KCNJ5: variants seen among roughly 807,000 people sequenced by gnomAD.
KCNJ5 encodes the protein potassium inwardly rectifying channel subfamily J member 5, also known as G protein-activated inward rectifier potassium channel 4.
A neutral mutation model predicts 20.2 loss-of-function variants in KCNJ5; 12 were observed. That is an observed-to-expected ratio of 0.59 (90% CI 0.38 to 0.96). The LOEUF is 0.96. KCNJ5 is among the 40% of genes least tolerant of loss of function. The pLI is 0.00. For synonymous variants in KCNJ5, 210 were observed against 213.9 expected, an observed-to-expected ratio of 0.98 and a Z score of 0.16; for missense variants, 449 against 557.6, an observed-to-expected ratio of 0.81 and a Z score of 1.96.
At chr11:128,908,562 G>A (rs947399104) in intron 1 of KCNJ5, among the ~76,000 whole-genome samples, 1 of 152,238 alleles carries the variant, frequency 6.6e-6, no homozygotes, top group Admixed American at 6.5e-5. Flanking sequence ...TATCTGGGCT[G>A]AAGTCTCCTA....
chr11:128,905,485 A>G (rs1345710156), intron 1 of KCNJ5: 2 of 151,892 alleles, frequency 1.3e-5, no homozygotes, highest in African/African-American at 4.8e-5. Context: ...CCCCCGTCCC[A>G]GCCTCCCTCC....
At chr11:128,896,758 T>C (rs993387408) in intron 1 of KCNJ5, among the ~76,000 whole-genome samples, 1 of 152,226 alleles carries the variant, frequency 6.6e-6, no homozygotes, top group African/African-American at 2.4e-5. Context: ...TTGGGACTAT[T>C]ATGAATAAAG....
rs1160699929 is a variant in KCNJ5, at chr11:128,891,441, C to CACAGAGAGAGAG, written c.-290_-289insCAGAGAGAGAGA. 1.6e-4 allele frequency: 9 copies of CACAGAGAGAGAG among 54,932 alleles called. No individual in the cohort carries two copies. Among genetic ancestry groups the CACAGAGAGAGAG allele is most frequent in the African/African-American group, 2.4e-4 (3 of 12,478 alleles). 3.4% of individuals were successfully genotyped at this position (54,932 alleles called of 1,614,324 possible). A position where few individuals can be genotyped will look rare whatever the true frequency, so the allele number is the denominator to read the frequency against. On this transcript the variant is annotated 5_prime_UTR_variant, in exon 1 of 3. Coordinates refer to ENST00000529694, the MANE Select transcript of KCNJ5 (RefSeq NM_000890.5). ...ACACACACACACACACACACACACA[C>CACAGAGAGAGAG]AGAGAGAGAGAGAGAGAGAGAGAGA...
intron 1 of KCNJ5, among the ~76,000 whole-genome samples, chr11:128,895,723 TG>T (rs1322062922): frequency 6.6e-6 from 1 of 152,234 alleles, no homozygotes; most frequent in Non-Finnish European, 1.5e-5. Context: ...GACCACTGCC[TG>T]GGGGCGGGCA....
chr11:128,912,266 G>A (rs1944515788), intron 2 of KCNJ5, 56 bp downstream of exon 2: 2 of 1,370,952 alleles, frequency 1.5e-6, no homozygotes, highest in Non-Finnish European at 2.1e-6. Flanking sequence ...TTCAGACTTA[G>A]GCAACTGTGA....
rs538504426 is a variant in KCNJ5 at position 128,912,320 on chromosome 11, C to G, written c.937+110C>G. ...TGTGCCTGAGAGTCCTGGGGTGGCG[C>G]AGGCAACACATTCAATCCCTAAATT... On this transcript the variant is annotated intron_variant, in intron 2 of 2. Coordinates refer to ENST00000529694, the MANE Select transcript of KCNJ5 (RefSeq NM_000890.5). 1.8e-5 allele frequency: 15 copies of G among 832,516 alleles called. No individual in the cohort carries two copies. In the East Asian group the frequency reaches 2.2e-4, roughly 12 times the overall value. The allele number at this position is 832,516 out of a possible 1,614,324, so 51.6% of individuals were successfully genotyped here.
Position 128,911,572 on chromosome 11 carries a change from C to A in KCNJ5, c.299C>A (p.Thr100Asn), listed in dbSNP as rs145386081. The A allele has an allele frequency of 1.2e-6, 2 of 1,614,116 alleles. No homozygotes were observed. Among genetic ancestry groups the A allele is most frequent in the African/African-American group, 2.7e-5 (2 of 74,940 alleles). Reference protein sequence around the residue: ...LLVFTMVYTVTWLFFGFIWWL... With the variant: ...LLVFTMVYTVNWLFFGFIWWL... Reference sequence around the variant, plus strand: ...GTCTTCACCATGGTTTACACTGTCACCTGGCTGTTCTTCGGCTTCATTTGG... The same window carrying A: ...GTCTTCACCATGGTTTACACTGTCAACTGGCTGTTCTTCGGCTTCATTTGG... The change falls in exon 2 of 3, where the codon ACC becomes AAC. Residue 100 changes from threonine to asparagine, a missense_variant. Thr to Asn is a moderately conservative substitution (Grantham distance 65). Transcript: ENST00000529694. The surrounding 1 kb of genome is among the most constrained non-coding windows in gnomAD (Gnocchi z 6.3).
chr11:128,902,530 C>T, intron 1 of KCNJ5: 2 of 1,575,428 alleles, frequency 1.3e-6, no homozygotes, highest in Non-Finnish European at 1.7e-6. Flanking sequence ...GGCTGGGGAG[C>T]ACAGGGCTAT....
chr11:128,912,788 C>T (rs949722845), intron 2 of KCNJ5, among the ~76,000 whole-genome samples: 1 of 152,216 alleles, frequency 6.6e-6, no homozygotes, highest in Non-Finnish European at 1.5e-5. Context: ...GGATTACACG[C>T]GTGAGCCACA....
intron 1 of KCNJ5, among the ~76,000 whole-genome samples, chr11:128,907,639 A>G (rs1006264406): frequency 6.6e-6 from 1 of 152,240 alleles, no homozygotes; most frequent in South Asian, 2.1e-4. Flanking sequence ...GAAGAAGAGA[A>G]GTATCAGGCT....
chr11:128,902,218 A>G (rs1345762991), intron 1 of KCNJ5: 2 of 366,806 alleles, frequency 5.5e-6, no homozygotes, highest in Non-Finnish European at 1.0e-5. Context: ...CCCTTCCACG[A>G]TGCCCTCACC....
Position 128,921,154 on chromosome 11 carries a change from T to G in KCNJ5, c.*4423T>G, listed in dbSNP as rs993409025. ...AAAAATTCACACAATAAAATGGACT[T>G]TAACTTGCAGAGCTCTTTCTCATTT... On this transcript the variant is annotated 3_prime_UTR_variant, in exon 3 of 3. Transcript: ENST00000529694. 6.6e-6 allele frequency: 1 copy of G among 152,238 alleles called. No homozygotes were observed. The highest frequency in any genetic ancestry group is 2.4e-5 in the African/African-American group (1 of 41,450). 9.4% of individuals were successfully genotyped at this position (152,238 alleles called of 1,614,324 possible). A position where few individuals can be genotyped will look rare whatever the true frequency, so the allele number is the denominator to read the frequency against.
intron 2 of KCNJ5, 51 bp downstream of exon 2, chr11:128,912,261 A>T (rs770698386): frequency 4.3e-6 from 6 of 1,402,894 alleles, no homozygotes; most frequent in Non-Finnish European, 6.0e-6. Context: ...TACACTTCAG[A>T]CTTAGGCAAC....
chr11:128,911,040 A>G lies in KCNJ5; in HGVS notation c.-10-224A>G. The G allele has an allele frequency of 3.5e-6, 2 of 571,054 alleles. No individual in the cohort carries two copies. The highest frequency in any genetic ancestry group is 6.2e-5 in the Admixed American group (2 of 32,298). The allele number at this position is 571,054 out of a possible 1,614,324, so 35.4% of individuals were successfully genotyped here. A position where few individuals can be genotyped will look rare whatever the true frequency, so the allele number is the denominator to read the frequency against. On this transcript the variant is annotated intron_variant, in intron 1 of 2. Coordinates refer to ENST00000529694, the MANE Select transcript of KCNJ5 (RefSeq NM_000890.5). The surrounding 1 kb of genome is among the most constrained non-coding windows in gnomAD (Gnocchi z 6.3). ...TATTGTTCATTTATTCATTCAACAA[A>G]CAGCTAGCAAGCATCTATTTTGTGC... is the stretch of plus-strand genomic sequence containing the variant.
intron 1 of KCNJ5, among the ~76,000 whole-genome samples, chr11:128,907,948 C>T (rs1317787445): frequency 6.6e-6 from 1 of 152,134 alleles, no homozygotes; most frequent in Non-Finnish European, 1.5e-5. Context: ...GAACGGATCT[C>T]GAAAACCTGA....
chr11:128,910,037 T>C (rs1338468711), intron 1 of KCNJ5: 1 of 152,180 alleles, frequency 6.6e-6, no homozygotes. Flanking sequence ...TCTTCTCTTC[T>C]GAAAAATGGG....
intron 1 of KCNJ5, among the ~76,000 whole-genome samples, chr11:128,897,659 G>A (rs937872069): frequency 3.3e-5 from 5 of 152,106 alleles, no homozygotes; most frequent in Non-Finnish European, 7.3e-5. Context: ...TAATTTGATG[G>A]AAGTTTAATT....
At position 128,911,954 on chromosome 11, in the gene KCNJ5, C is replaced by T. The variant is rs138628646; in HGVS notation, c.681C>T (p.Ser227=). The T allele has an allele frequency of 6.3e-6, 10 of 1,599,858 alleles. No individual in the cohort carries two copies. The African/African-American group carries it at 1.2e-4, about 19-fold the overall frequency. Reference sequence around the variant, plus strand: ...TCCGGGTGGGCGACCTCCGCAACTCCCACATCGTGGAGGCCTCCATCCGGG... The same window carrying T: ...TCCGGGTGGGCGACCTCCGCAACTCTCACATCGTGGAGGCCTCCATCCGGG... ...LMFRVGDLRN[S]HIVEASIRAK... Residue 227 remains serine, a synonymous_variant, in exon 2 of 3, where the codon TCC becomes TCT. Coordinates refer to ENST00000529694, the MANE Select transcript of KCNJ5 (RefSeq NM_000890.5). This position sits in a 1 kb window ranked among gnomAD's most constrained non-coding sequence, Gnocchi z 6.3.
In KCNJ5 at chr11:128,912,137, G is replaced by T. The variant is rs771919907; in HGVS notation, c.864G>T (p.Glu288Asp). 5.0e-6 allele frequency: 8 copies of T among 1,612,466 alleles called. No individual in the cohort carries two copies. The Admixed American group carries it at 1.0e-4, about 20-fold the overall frequency. The change falls in exon 2 of 3, where the codon GAG becomes GAT. Residue 288 changes from glutamate to aspartate, a missense_variant. Physicochemically the swap from Glu to Asp is conservative, Grantham distance 45. Transcript: ENST00000529694. Reference sequence around the variant, plus strand: ...TCAACCAGAAGAGCCCTTTCTGGGAGATGTCTCAGGCTCAGCTGCATCAGG... The same window carrying T: ...TCAACCAGAAGAGCCCTTTCTGGGATATGTCTCAGGCTCAGCTGCATCAGG... ...HEINQKSPFW[E>D]MSQAQLHQEE... is the part of the protein sequence containing the mutation.
Sources: gnomAD v4.1 joint callset for allele counts (sites outside exome capture counted in the v4.1 genomes callset) on GRCh38, gnomAD v4.1.1 for gene constraint, Gnocchi (gnomAD v3.1) non-coding constraint, MANE v1.5 for transcripts, NCBI Gene and HGNC (gene_info 2026-07-23, HGNC 2026-07-21) for gene names.